Variants in OLFM3 observed in about 807,000 individuals in gnomAD.
OLFM3 encodes noelin-3.
Under a neutral mutation model 48.6 loss-of-function variants are expected in OLFM3, and 20 were observed. The observed-to-expected ratio is 0.41, with a 90% CI of 0.29 to 0.60. The LOEUF is 0.60. Ranked by LOEUF, OLFM3 falls within the 20% of genes least tolerant of loss-of-function variation. OLFM3 has a pLI of 0.28. For synonymous variants in OLFM3, 222 were observed against 198.1 expected (o/e 1.12, Z -1.01); for missense variants, 437 against 544.3 (o/e 0.80, Z 1.96).
At chr1:101,812,802 C>T (rs1654133829) in intron 4 of OLFM3, 1 of 989,832 alleles carries the variant, frequency 1.0e-6, no homozygotes, top group Non-Finnish European at 1.2e-6. Context: ...GGTCTTTTGG[C>T]TAGTTGACTC....
intron 1 of OLFM3, among the ~76,000 whole-genome samples, chr1:101,908,602 A>G (rs1231717130): frequency 6.6e-6 from 1 of 152,200 alleles, no homozygotes; most frequent in African/African-American, 2.4e-5. Context: ...CCCCTAAAAG[A>G]TATGTACATG....
intron 4 of OLFM3, among the ~76,000 whole-genome samples, chr1:101,823,651 A>G (rs566536741): frequency 3.9e-5 from 6 of 152,074 alleles, no homozygotes; most frequent in Non-Finnish European, 7.4e-5. Context: ...AAATAATTTC[A>G]GATTGATACT....
At chr1:101,820,056 A>T (rs1654535665) in intron 4 of OLFM3, among the ~76,000 whole-genome samples, 1 of 152,146 alleles carries the variant, frequency 6.6e-6, no homozygotes, top group South Asian at 2.1e-4. Flanking sequence ...TGTATCCACA[A>T]ATACCTAGCA....
intron 4 of OLFM3, among the ~76,000 whole-genome samples, chr1:101,810,905 G>T (rs1359140238): frequency 6.6e-6 from 1 of 151,552 alleles, no homozygotes; most frequent in Non-Finnish European, 1.5e-5. Flanking sequence ...TGTAATAAAA[G>T]ATACTGTACA....
rs371960067 is a variant in OLFM3, at chr1:101,805,825, G to A, written c.699+251C>T. Among the ~76,000 whole-genome samples the A allele has an allele frequency of 2.1e-4, 32 of 151,756 alleles. No individual in the cohort carries two copies. In the South Asian group the frequency reaches 5.6e-3, roughly 27 times the overall value. ...TATACAGGAAATTAGCCCCTTTCAA[G>A]CATAAAACATGACTAAAATCAATAA... On this transcript the variant is annotated intron_variant, in intron 5 of 5. Transcript: ENST00000370103.
chr1:101,834,611 C>T (rs1655312986), intron 2 of OLFM3, among the ~76,000 whole-genome samples: 2 of 152,206 alleles, frequency 1.3e-5, no homozygotes, highest in South Asian at 4.1e-4. Flanking sequence ...TAACCTCCTT[C>T]AGGCCACTGT....
At chr1:101,827,381 G>A (rs1459032705) in intron 3 of OLFM3, among the ~76,000 whole-genome samples, 1 of 151,654 alleles carries the variant, frequency 6.6e-6, no homozygotes, top group Non-Finnish European at 1.5e-5. Context: ...AGTCAGTGGC[G>A]CGATCTCGGC....
rs367832929 is a variant in OLFM3, at chr1:101,958,241, G to A, written c.69+38507C>T. Among the ~76,000 whole-genome samples, 6 of 152,156 alleles carry A rather than the reference G, an allele frequency of 3.9e-5. No homozygotes were observed. The East Asian group carries it at 7.7e-4, about 20-fold the overall frequency. Reference sequence around the variant, plus strand: ...GTCCACTGTTTTTATTAGCTTGAAAGTTTTTATTAAATTTCACATTTAAAA... The same window carrying A: ...GTCCACTGTTTTTATTAGCTTGAAAATTTTTATTAAATTTCACATTTAAAA... On this transcript the variant is annotated intron_variant, in intron 1 of 5. Coordinates refer to ENST00000370103, the MANE Select transcript of OLFM3 (RefSeq NM_058170.4).
At chr1:101,860,144 C>T (rs1656593752) in intron 1 of OLFM3, among the ~76,000 whole-genome samples, 1 of 151,942 alleles carries the variant, frequency 6.6e-6, no homozygotes, top group African/African-American at 2.4e-5. Flanking sequence ...GTGAGGATTG[C>T]CCAGAGGCAC....
chr1:101,885,176 G>A (rs963815183), intron 1 of OLFM3, among the ~76,000 whole-genome samples: 1 of 151,688 alleles, frequency 6.6e-6, no homozygotes, highest in Admixed American at 6.6e-5. Flanking sequence ...TTGTGGATAT[G>A]GCAAAAAAAG....
chr1:101,912,894 C>T (rs1477071331), intron 1 of OLFM3, among the ~76,000 whole-genome samples: 1 of 151,902 alleles, frequency 6.6e-6, no homozygotes, highest in Non-Finnish European at 1.5e-5. Flanking sequence ...TAATCCAGTC[C>T]TAGGATATAA....
At chr1:101,872,674 A>G (rs969681663) in intron 1 of OLFM3, among the ~76,000 whole-genome samples, 4 of 152,030 alleles carry the variant, frequency 2.6e-5, no homozygotes, top group Non-Finnish European at 5.9e-5. Context: ...AATGATAATT[A>G]TTCTGTAATG....
In OLFM3 at chr1:101,804,409, G is replaced by T; in HGVS notation, c.1206C>A (p.Thr402=). Residue 402 remains threonine (T), a synonymous_variant, in exon 6 of 6, where the codon ACC becomes ACA. Transcript: ENST00000370103. The surrounding 1 kb of genome is among the most constrained non-coding windows in gnomAD (Gnocchi z 4.5). ...CTGTGTACTCATATGTGGAGGTTTT[G>T]GTGGAATAGGAATAATACACCTTGG... is the stretch of plus-strand genomic sequence containing the variant. ...TGAKVYYSYS[T]KTSTYEYTDI... The T allele has an allele frequency of 1.2e-6, 2 of 1,612,454 alleles. No homozygotes were observed. Among genetic ancestry groups the T allele is most frequent in the Non-Finnish European group, 1.7e-6 (2 of 1,178,962 alleles).
At chr1:101,811,325 A>C (rs1654040122) in intron 4 of OLFM3, among the ~76,000 whole-genome samples, 1 of 151,970 alleles carries the variant, frequency 6.6e-6, no homozygotes, top group African/African-American at 2.4e-5. Flanking sequence ...TAGATGGCCA[A>C]ACTAATGACA....
At chr1:101,806,984 G>A (rs1237485238) in intron 4 of OLFM3, among the ~76,000 whole-genome samples, 4 of 151,654 alleles carry the variant, frequency 2.6e-5, no homozygotes, top group Admixed American at 1.3e-4. Flanking sequence ...CAAACAGAAA[G>A]CTAGACATTT....
At chr1:101,860,516 C>T (rs1430621832) in intron 1 of OLFM3, among the ~76,000 whole-genome samples, 4 of 151,896 alleles carry the variant, frequency 2.6e-5, no homozygotes, top group Admixed American at 2.6e-4. Context: ...CTCTTTTATT[C>T]TTTTGATATC....
At chr1:101,973,984 A>G (rs1005473400) in intron 1 of OLFM3, among the ~76,000 whole-genome samples, 2 of 151,706 alleles carry the variant, frequency 1.3e-5, no homozygotes, top group Non-Finnish European at 2.9e-5. Flanking sequence ...AGATTATTAC[A>G]GTCTGAGGAC....
At chr1:101,960,657 C>A (rs868820871) in intron 1 of OLFM3, among the ~76,000 whole-genome samples, 2 of 152,054 alleles carry the variant, frequency 1.3e-5, no homozygotes, top group South Asian at 2.1e-4. Flanking sequence ...CTTATTAATT[C>A]TCATTTTATA....
intron 2 of OLFM3, among the ~76,000 whole-genome samples, chr1:101,835,773 T>C (rs929936248): frequency 6.6e-6 from 1 of 152,132 alleles, no homozygotes; most frequent in Non-Finnish European, 1.5e-5. Flanking sequence ...TAGGTGATGA[T>C]AACTTCAAGC....
Sources: allele counts gnomAD v4.1 joint callset (sites outside exome capture counted in the v4.1 genomes callset), GRCh38; gene constraint gnomAD v4.1.1; non-coding constraint Gnocchi (gnomAD v3.1); transcripts MANE v1.5; gene names NCBI Gene and HGNC (gene_info 2026-07-23, HGNC 2026-07-21).